CDYL: variants seen among roughly 807,000 people sequenced by gnomAD.
CDYL encodes the protein chromodomain Y like.
CDYL carries 8 observed loss-of-function variants against 47.3 expected under a neutral mutation model. That is an observed-to-expected ratio of 0.17 (90% CI 0.10 to 0.31). The LOEUF (loss-of-function observed/expected upper bound fraction) is 0.31, where lower values mean the gene tolerates loss of function less well. CDYL is among the 10% of genes least tolerant of loss of function. The pLI, the probability that CDYL is intolerant of heterozygous loss-of-function variation, is 1.00. For missense variants in CDYL, 471 were observed against 701.4 expected (o/e 0.67, Z 3.71); for synonymous variants, 266 against 265.0 (o/e 1.00, Z -0.04).
intron 1 of CDYL, among the ~76,000 whole-genome samples, chr6:4,835,208 A>G (rs889851452): frequency 6.6e-6 from 1 of 151,912 alleles, no homozygotes; most frequent in Non-Finnish European, 1.5e-5. Flanking sequence ...GGTTTTATCT[A>G]CTTTTGGACT....
intron 2 of CDYL, among the ~76,000 whole-genome samples, chr6:4,902,393 A>T (rs991168396): frequency 2.7e-5 from 4 of 150,350 alleles, no homozygotes; most frequent in African/African-American, 9.8e-5. Context: ...GCAACGAGTG[A>T]AGCTCCATCT....
chr6:4,891,196 C>T (rs1255420592), intron 1 of CDYL, among the ~76,000 whole-genome samples: 1 of 152,188 alleles, frequency 6.6e-6, no homozygotes, highest in Non-Finnish European at 1.5e-5. Context: ...TCTCTGTTGA[C>T]CTTTTTAGTT....
chr6:4,844,342 G>A (rs1760591796), intron 1 of CDYL, among the ~76,000 whole-genome samples: 1 of 152,226 alleles, frequency 6.6e-6, no homozygotes, highest in Non-Finnish European at 1.5e-5. Flanking sequence ...CAGGTGGTGT[G>A]GGGGCCCTAG....
At chr6:4,811,576 T>G (rs984355176) in intron 1 of CDYL, among the ~76,000 whole-genome samples, 7 of 152,012 alleles carry the variant, frequency 4.6e-5, no homozygotes, top group African/African-American at 1.4e-4. Flanking sequence ...AAAAACTAGC[T>G]TTTAATTACA....
chr6:4,784,203 C>G (rs1175940856), intron 1 of CDYL, among the ~76,000 whole-genome samples: 1 of 152,142 alleles, frequency 6.6e-6, no homozygotes, highest in Non-Finnish European at 1.5e-5. Flanking sequence ...TTTACCTAAT[C>G]TGCAATTCGT....
chr6:4,898,561 T>C (rs947150), intron 2 of CDYL, among the ~76,000 whole-genome samples: 149,262 of 152,290 alleles, frequency 0.98, 73,209 homozygotes, highest in East Asian at 1. Context: ...TTGAGACATG[T>C]AGATGCACAG....
intron 1 of CDYL, among the ~76,000 whole-genome samples, chr6:4,824,973 C>A (rs1004485977): frequency 6.6e-6 from 1 of 151,992 alleles, no homozygotes; most frequent in African/African-American, 2.4e-5. Flanking sequence ...TGAGTTCAAG[C>A]AATTTTTGTG....
intron 1 of CDYL, among the ~76,000 whole-genome samples, chr6:4,850,256 G>A (rs192088959): frequency 3.3e-5 from 5 of 152,154 alleles, no homozygotes; most frequent in Non-Finnish European, 7.4e-5. Flanking sequence ...GAGGGATATA[G>A]CTAGATTTTA....
Position 4,776,810 on chromosome 6 carries a change from ACCTCC to A in CDYL, c.24+11_24+15del. ...TGGCTTCCGAGGAGCTGTACGAGGTACCTCCCCTCCCCCCGGCCTCGGGCCGCCCC... is the reference window on the plus strand; with the variant it reads ...TGGCTTCCGAGGAGCTGTACGAGGTACCTCCCCCCGGCCTCGGGCCGCCCC... On this transcript the variant is annotated splice_donor_5th_base_variant and intron_variant, in intron 1 of 6. Coordinates refer to ENST00000397588, the MANE Select transcript of CDYL (RefSeq NM_004824.4). 2.9e-6 allele frequency: 3 copies of A among 1,047,212 alleles called. No homozygotes were observed. Among genetic ancestry groups the A allele is most frequent in the South Asian group, 2.4e-5 (1 of 41,052 alleles). 64.9% of individuals were successfully genotyped at this position (1,047,212 alleles called of 1,614,324 possible).
Position 4,952,257 on chromosome 6 carries a change from TC to T in CDYL, c.1333-7del, listed in dbSNP as rs776087989. ...CAATTCATATTACATCCACTCTTCT[TC>T]CTTGCAGGCAAACGAGATGCTGCTC... is the stretch of plus-strand genomic sequence containing the variant. On this transcript the variant is annotated splice_polypyrimidine_tract_variant and splice_region_variant and intron_variant, in intron 5 of 6. Coordinates refer to ENST00000397588, the MANE Select transcript of CDYL (RefSeq NM_004824.4). 2 of 1,612,658 alleles carry T rather than the reference TC, an allele frequency of 1.2e-6. No individual in the cohort carries two copies. Among genetic ancestry groups the T allele is most frequent in the Non-Finnish European group, 1.7e-6 (2 of 1,179,362 alleles).
At chr6:4,727,992 T>C (rs1757544598) in intron 2 of CDYL, among the ~76,000 whole-genome samples, 3 of 152,168 alleles carry the variant, frequency 2.0e-5, no homozygotes, top group Admixed American at 2.0e-4. Context: ...CTCCTTGCTG[T>C]CGACAGAAGC....
chr6:4,852,594 C>T (rs973107941), intron 1 of CDYL, among the ~76,000 whole-genome samples: 5 of 134,310 alleles, frequency 3.7e-5, no homozygotes, highest in Admixed American at 2.9e-4. Flanking sequence ...CTTCCTTCCT[C>T]CTTCCTTCCT....
At chr6:4,913,635 T>C (rs1261431497) in intron 2 of CDYL, among the ~76,000 whole-genome samples, 2 of 152,226 alleles carry the variant, frequency 1.3e-5, no homozygotes, top group Non-Finnish European at 2.9e-5. Flanking sequence ...CAGGGAACTC[T>C]CTATACTTCC....
chr6:4,840,835 G>T (rs1357653383), intron 1 of CDYL, among the ~76,000 whole-genome samples: 1 of 151,930 alleles, frequency 6.6e-6, no homozygotes, highest in Non-Finnish European at 1.5e-5. Flanking sequence ...ATTCATCAGC[G>T]ATTTTTTTGT....
At chr6:4,770,150 T>C (rs1278985963) in intron 3 of CDYL, among the ~76,000 whole-genome samples, 1 of 152,192 alleles carries the variant, frequency 6.6e-6, no homozygotes, top group Non-Finnish European at 1.5e-5. Context: ...ATTTTTTTTT[T>C]CCTGACAACT....
chr6:4,791,514 G>C (rs763028210), intron 1 of CDYL, among the ~76,000 whole-genome samples: 11 of 152,176 alleles, frequency 7.2e-5, no homozygotes, highest in Non-Finnish European at 1.6e-4. Flanking sequence ...AAAGTTCTGA[G>C]GATATTCTGT....
At position 4,710,280 on chromosome 6, in the gene CDYL, C is replaced by G. The variant is rs1255821588; in HGVS notation, c.-39+4029C>G. Reference sequence around the variant, plus strand: ...CATTTCTTTTCCATTTTGATTGCTGCTCTGCAGAAAGAGAAAGAGGAAGGA... The same window carrying G: ...CATTTCTTTTCCATTTTGATTGCTGGTCTGCAGAAAGAGAAAGAGGAAGGA... On this transcript the variant is annotated intron_variant, in intron 1 of 8. Coordinates refer to the CDYL transcript ENST00000328908. 4.7e-5 allele frequency among the ~76,000 whole-genome samples: 7 copies of G among 148,506 alleles called. No individual in the cohort carries two copies. In the Admixed American group the frequency reaches 4.7e-4, roughly 10 times the overall value.
chr6:4,938,222 TTTTTTTTGTTG>T (rs1268724227), intron 4 of CDYL, among the ~76,000 whole-genome samples: 1 of 127,312 alleles, frequency 7.9e-6, no homozygotes, highest in Admixed American at 7.5e-5. Context: ...TGTTTTTTGG[TTTTTTTTGTTG>T]TTTTTTTTTT....
intron 2 of CDYL, among the ~76,000 whole-genome samples, chr6:4,922,783 G>T (rs1757754463): frequency 6.6e-6 from 1 of 152,168 alleles, no homozygotes; most frequent in South Asian, 2.1e-4. Context: ...TGAATATCCT[G>T]TTTTGGGCCT....
Sources: gnomAD v4.1 joint callset for allele counts (sites outside exome capture counted in the v4.1 genomes callset) on GRCh38, gnomAD v4.1.1 for gene constraint, MANE v1.5 for transcripts, NCBI Gene and HGNC (gene_info 2026-07-23, HGNC 2026-07-21) for gene names.